Variants in INTS8 observed in about 807,000 individuals in gnomAD.
INTS8 encodes the protein integrator complex subunit 8, also known as protein kaonashi-1.
In INTS8, 47 loss-of-function variants were observed where a neutral mutation model predicts 138.9. That is an observed-to-expected ratio of 0.34 (90% CI 0.27 to 0.43). The LOEUF is 0.43. INTS8 is among the 20% of genes least tolerant of loss of function. INTS8 has a pLI of 1.00. For synonymous variants in INTS8, 392 were observed against 400.9 expected (o/e 0.98, Z 0.27); for missense variants, 996 against 1,173.0 (o/e 0.85, Z 2.20).
chr8:94,853,961 G>GGTCA (rs779097680), intron 14 of INTS8, 46 bp downstream of exon 14: 4 of 1,199,106 alleles, frequency 3.3e-6, no homozygotes, highest in Non-Finnish European at 5.0e-6. Flanking sequence ...TATGCTTTAT[G>GGTCA]GTCAGGTGCC....
chr8:94,880,297 G>T lies in INTS8; in HGVS notation c.*63G>T. On this transcript the variant is annotated 3_prime_UTR_variant, in exon 27 of 27. Transcript: ENST00000523731. ...GGGCTAAAAATAAACAGTATTAAAA[G>T]GTTAAGTTTATATAATACATATGTA... is the stretch of plus-strand genomic sequence containing the variant. The T allele has an allele frequency of 1.2e-6, 1 of 864,200 alleles. No homozygotes were observed. 53.5% of individuals were successfully genotyped at this position (864,200 alleles called of 1,614,324 possible).
chr8:94,835,021 G>C (rs1814873152), intron 6 of INTS8, among the ~76,000 whole-genome samples: 1 of 152,194 alleles, frequency 6.6e-6, no homozygotes, highest in Non-Finnish European at 1.5e-5. Flanking sequence ...ATAGAGCACA[G>C]TGGAGAGGTT....
Position 94,831,778 on chromosome 8 carries a change from CCCTCCTGTTTT to C in INTS8, c.571-213_571-203del, listed in dbSNP as rs551542229. 4.6e-5 allele frequency among the ~76,000 whole-genome samples: 7 copies of C among 152,256 alleles called. No homozygotes were observed. In the South Asian group the frequency reaches 6.2e-4, roughly 14 times the overall value. ...TATAGGCGTGAGCCACCATGCCTGG[CCCTCCTGTTTT>C]TCATATTTTCTAACCTCACAATAGG... On this transcript the variant is annotated intron_variant, in intron 5 of 26. Transcript: ENST00000523731.
chr8:94,853,824 A>T lies in INTS8; in HGVS notation c.1661A>T (p.Tyr554Phe). The T allele has an allele frequency of 6.2e-7, 1 of 1,605,880 alleles. No homozygotes were observed. The highest frequency in any genetic ancestry group is 8.5e-7 in the Non-Finnish European group (1 of 1,172,544). Residue 554 changes from tyrosine (Y) to phenylalanine (F), a missense_variant, in exon 14 of 27, where the codon TAT (tyrosine) becomes TTT (phenylalanine). By Grantham distance (22) the Tyr-to-Phe change is conservative. Transcript: ENST00000523731. ...VSNKWEVPSV[Y>F]SGVILGIKDN... is the part of the protein sequence containing the mutation. Reference sequence around the variant, plus strand: ...TTTTAGTGGGAAGTACCTTCTGTCTATAGTGGTGTTATCCTGGGAATTAAA... The same window carrying T: ...TTTTAGTGGGAAGTACCTTCTGTCTTTAGTGGTGTTATCCTGGGAATTAAA...
In INTS8 at chr8:94,872,941, A is replaced by G. The variant is rs540094423; in HGVS notation, c.2534-433A>G. 1.7e-4 allele frequency among the ~76,000 whole-genome samples: 26 copies of G among 152,296 alleles called. No homozygotes were observed. The South Asian group carries it at 2.5e-3, about 15-fold the overall frequency. On this transcript the variant is annotated intron_variant, in intron 21 of 26. Transcript: ENST00000523731. ...ACCACCCAGCTACTAATTAACAGTA[A>G]TTAGCTCATGGCCAGTCTTGTTTCA...
chr8:94,842,983 A>C (rs1815190571), intron 10 of INTS8, among the ~76,000 whole-genome samples: 1 of 152,172 alleles, frequency 6.6e-6, no homozygotes, highest in Admixed American at 6.5e-5. Flanking sequence ...ACTTACTTCC[A>C]AAAATACAAC....
intron 12 of INTS8, 42 bp downstream of exon 12, chr8:94,850,133 G>A: frequency 1.4e-6 from 2 of 1,390,524 alleles, no homozygotes; most frequent in Non-Finnish European, 2.0e-6. Context: ...GGCATGTTTT[G>A]CCCCTCTATT....
At chr8:94,861,493 C>T (rs1815980857) in intron 16 of INTS8, among the ~76,000 whole-genome samples, 1 of 151,960 alleles carries the variant, frequency 6.6e-6, no homozygotes, top group Non-Finnish European at 1.5e-5. Context: ...AATCTCCTGA[C>T]CTCGTGATCT....
intron 20 of INTS8, 125 bp from the exon 21 acceptor site, chr8:94,871,759 A>G (rs1816405632): frequency 1.5e-6 from 1 of 651,952 alleles, no homozygotes. Context: ...ATTTACTCCT[A>G]GTATTTAGCA....
chr8:94,845,441 C>G (rs371309945), intron 10 of INTS8, among the ~76,000 whole-genome samples: 1 of 152,104 alleles, frequency 6.6e-6, no homozygotes, highest in Non-Finnish European at 1.5e-5. Context: ...CTGATACCAT[C>G]GAGAGCAAGT....
At chr8:94,858,327 A>G (rs1194496294) in intron 15 of INTS8, among the ~76,000 whole-genome samples, 1 of 152,230 alleles carries the variant, frequency 6.6e-6, no homozygotes, top group Non-Finnish European at 1.5e-5. Flanking sequence ...CAGCAGGGGC[A>G]TGCAGTTATA....
chr8:94,844,007 T>G (rs545441510), intron 10 of INTS8, among the ~76,000 whole-genome samples: 2 of 151,234 alleles, frequency 1.3e-5, no homozygotes, highest in East Asian at 3.9e-4. Context: ...CCTCTTTTTT[T>G]TTTTGAGATA....
At position 94,880,213 on chromosome 8, in the gene INTS8, A is replaced by C. The variant is rs766126000; in HGVS notation, c.2967A>C (p.Ala989=). ...AQRRKKKFLQ[A]MAKLYF ...GAAGGAAAAAAAAGTTTCTCCAAGC[A>C]ATGGCAAAACTTTACTTTTAAGCAG... The change falls in exon 27 of 27, where the codon GCA becomes GCC. Residue 989 remains alanine, a synonymous_variant. Coordinates refer to ENST00000523731, the MANE Select transcript of INTS8 (RefSeq NM_017864.4). 6.2e-7 allele frequency: 1 copy of C among 1,603,846 alleles called. No individual in the cohort carries two copies. Among genetic ancestry groups the C allele is most frequent in the Non-Finnish European group, 8.5e-7 (1 of 1,175,192 alleles).
At chr8:94,864,516 T>C (rs1816105785) in intron 16 of INTS8, among the ~76,000 whole-genome samples, 1 of 152,164 alleles carries the variant, frequency 6.6e-6, no homozygotes. Flanking sequence ...GAGACCAGCC[T>C]GGCCAACATG....
intron 1 of INTS8, among the ~76,000 whole-genome samples, chr8:94,823,867 G>A (rs996551314): frequency 5.9e-5 from 9 of 152,244 alleles, no homozygotes; most frequent in Non-Finnish European, 8.8e-5. Flanking sequence ...GGCGGGTCTT[G>A]TGGTTGCTTG....
intron 7 of INTS8, among the ~76,000 whole-genome samples, chr8:94,837,800 G>C (rs1814983143): frequency 6.6e-6 from 1 of 151,988 alleles, no homozygotes; most frequent in African/African-American, 2.4e-5. Context: ...AACTTTCTTT[G>C]TAAAGGGTCA....
intron 10 of INTS8, among the ~76,000 whole-genome samples, chr8:94,849,027 C>T (rs1005365510): frequency 1.3e-5 from 2 of 151,968 alleles, no homozygotes; most frequent in Non-Finnish European, 2.9e-5. Context: ...ATGAATAGCT[C>T]ATGAATATAG....
rs536948472 is a variant in INTS8 at position 94,865,398 on chromosome 8, G to C, written c.2077-108G>C. On this transcript the variant is annotated intron_variant, in intron 16 of 26. Coordinates refer to ENST00000523731, the MANE Select transcript of INTS8 (RefSeq NM_017864.4). ...GCACAGCATAAAATAACTGTGCTTA[G>C]TATGTTTGGGCAGTCATTCCATCTT... 28 of 830,970 alleles carry C rather than the reference G, an allele frequency of 3.4e-5. No homozygotes were observed. In the African/African-American group the frequency reaches 4.6e-4, roughly 14 times the overall value. The allele number at this position is 830,970 out of a possible 1,614,324, so 51.5% of individuals were successfully genotyped here.
chr8:94,874,794 A>G (rs1012894109), intron 23 of INTS8, among the ~76,000 whole-genome samples, 192 bp downstream of exon 23: 4 of 152,202 alleles, frequency 2.6e-5, no homozygotes, highest in African/African-American at 9.6e-5. Flanking sequence ...AGTATGAATT[A>G]AAAACATTGA....
Sources: gnomAD v4.1 joint callset for allele counts (sites outside exome capture counted in the v4.1 genomes callset) on GRCh38, gnomAD v4.1.1 for gene constraint, MANE v1.5 for transcripts, NCBI Gene and HGNC (gene_info 2026-07-23, HGNC 2026-07-21) for gene names.